Variants in COP1 observed in about 807,000 individuals in gnomAD.
The protein encoded by COP1 is E3 ubiquitin-protein ligase COP1.
In COP1, 24 loss-of-function variants were observed where a neutral mutation model predicts 101.3. The observed-to-expected ratio is 0.24, with a 90% CI of 0.17 to 0.33. COP1 has a LOEUF of 0.33. Among genes scored for constraint, COP1 ranks in the 10% least tolerant of loss-of-function variants. The pLI is 1.00. For missense variants in COP1, 663 were observed against 906.2 expected (o/e 0.73, Z 3.45); for synonymous variants, 347 against 341.9 (o/e 1.01, Z -0.17).
At chr1:175,967,517 A>C (rs970581477) in intron 18 of COP1, among the ~76,000 whole-genome samples, 1 of 106,674 alleles carries the variant, frequency 9.4e-6, no homozygotes, top group African/African-American at 3.0e-5. Context: ...ACAAACAAAC[A>C]AACAAACCCA....
chr1:175,965,613 G>A (rs1651922094), intron 18 of COP1, among the ~76,000 whole-genome samples: 1 of 151,704 alleles, frequency 6.6e-6, no homozygotes, highest in South Asian at 2.1e-4. Context: ...TTTTGAGATG[G>A]AGTCTCGCTC....
chr1:176,116,016 T>C (rs997461017), intron 9 of COP1, among the ~76,000 whole-genome samples: 1 of 152,228 alleles, frequency 6.6e-6, no homozygotes, highest in South Asian at 2.1e-4. Flanking sequence ...AGATAAACTA[T>C]GTTCTGATTA....
intron 11 of COP1, among the ~76,000 whole-genome samples, chr1:176,071,475 C>CT (rs1677001157): frequency 6.6e-6 from 1 of 152,180 alleles, no homozygotes; most frequent in African/African-American, 2.4e-5. Context: ...CTACCATGTA[C>CT]ATCACTCTTA....
intron 18 of COP1, among the ~76,000 whole-genome samples, chr1:175,963,026 C>T (rs969840635): frequency 5.3e-5 from 8 of 151,762 alleles, no homozygotes; most frequent in Non-Finnish European, 1.2e-4. Context: ...ATGAATGTTA[C>T]ATGTGGGTGT....
At chr1:176,093,959 G>GT (rs1461163053) in intron 9 of COP1, among the ~76,000 whole-genome samples, 1 of 151,812 alleles carries the variant, frequency 6.6e-6, no homozygotes, top group Non-Finnish European at 1.5e-5. Flanking sequence ...GGAAGCGGAG[G>GT]TTGTAGTAAG....
intron 1 of COP1, among the ~76,000 whole-genome samples, chr1:176,202,853 C>CT (rs939821622): frequency 1.3e-5 from 2 of 151,392 alleles, no homozygotes; most frequent in Non-Finnish European, 3.0e-5. Flanking sequence ...TGTCATGACA[C>CT]TAAGAGAGGC....
At position 176,077,000 on chromosome 1, in the gene COP1, C is replaced by T. The variant is rs147254557; in HGVS notation, c.1277+4152G>A. Reference sequence around the variant, plus strand: ...TAAACAAAACAAAACAAAAAACTACCAACCAAAAAGAGCCCTGGACCAGAT... The same window carrying T: ...TAAACAAAACAAAACAAAAAACTACTAACCAAAAAGAGCCCTGGACCAGAT... On this transcript the variant is annotated intron_variant, in intron 11 of 19. Transcript: ENST00000367669. 2.0e-5 allele frequency among the ~76,000 whole-genome samples: 3 copies of T among 152,016 alleles called. No individual in the cohort carries two copies. The East Asian group carries it at 5.8e-4, about 29-fold the overall frequency.
chr1:176,045,523 T>C (rs4129061), intron 12 of COP1, among the ~76,000 whole-genome samples: 113,933 of 150,364 alleles, frequency 0.76, 44,816 homozygotes, highest in East Asian at 0.92. Flanking sequence ...GATTTCCTCA[T>C]ATAATTCTCT....
intron 3 of COP1, among the ~76,000 whole-genome samples, chr1:176,166,250 C>A (rs1055427171): frequency 6.6e-6 from 1 of 152,174 alleles, no homozygotes; most frequent in African/African-American, 2.4e-5. Flanking sequence ...TCTCAGCCTT[C>A]CCAGTAGCTA....
chr1:176,200,118 C>T (rs1013226692), intron 1 of COP1, among the ~76,000 whole-genome samples: 1 of 152,140 alleles, frequency 6.6e-6, no homozygotes. Context: ...GGCCACATTT[C>T]CTCATCTACA....
chr1:175,988,116 C>T (rs556582621), intron 17 of COP1, among the ~76,000 whole-genome samples, 172 bp downstream of exon 17: 16 of 152,324 alleles, frequency 1.1e-4, no homozygotes, highest in African/African-American at 3.8e-4. Context: ...AGGACTAATG[C>T]TCTTCTAGTA....
chr1:176,206,475 T>C, intron 1 of COP1, 97 bp downstream of exon 1: 1 of 1,444,894 alleles, frequency 6.9e-7, no homozygotes, highest in Non-Finnish European at 9.5e-7. Flanking sequence ...TCCCAAGCTC[T>C]CCAACAAGCC....
At chr1:176,121,559 A>G (rs916409987) in intron 8 of COP1, among the ~76,000 whole-genome samples, 1 of 152,160 alleles carries the variant, frequency 6.6e-6, no homozygotes, top group African/African-American at 2.4e-5. Flanking sequence ...TCTGTCACCC[A>G]GGCTGGAGTG....
intron 11 of COP1, among the ~76,000 whole-genome samples, chr1:176,057,340 C>G (rs1673722142): frequency 6.6e-6 from 1 of 152,112 alleles, no homozygotes; most frequent in Admixed American, 6.5e-5. Flanking sequence ...CCTCTCCCCA[C>G]GGATTCCCTC....
rs752133865 is a variant in COP1, at chr1:176,046,309, C to G, written c.1293G>C (p.Arg431=). ...SSIVSSIEFD[R]DCDYFAIAGV... is the part of the protein sequence containing the mutation. ...CAGCAATCGCAAAATAGTCACAATCCCGGTCAAATTCAATACTAAGGGGAA... is the reference window on the plus strand; with the variant it reads ...CAGCAATCGCAAAATAGTCACAATCGCGGTCAAATTCAATACTAAGGGGAA... Residue 431 remains arginine (R), a synonymous_variant, in exon 12 of 20, where the codon CGG becomes CGC. Transcript: ENST00000367669. 4 of 1,608,388 alleles carry G rather than the reference C, an allele frequency of 2.5e-6. No individual in the cohort carries two copies. Among genetic ancestry groups the G allele is most frequent in the Admixed American group, 3.4e-5 (2 of 58,406 alleles).
intron 9 of COP1, among the ~76,000 whole-genome samples, chr1:176,106,549 C>T (rs1684343083): frequency 6.6e-6 from 1 of 152,210 alleles, no homozygotes; most frequent in South Asian, 2.1e-4. Flanking sequence ...CTGCACTTGA[C>T]AGATCAGCTG....
intron 14 of COP1, 96 bp from the exon 15 acceptor site, chr1:176,027,784 TC>T (rs2149071362): frequency 1.4e-6 from 1 of 726,548 alleles, no homozygotes; most frequent in East Asian, 2.7e-5. Context: ...GCTCCAGAAA[TC>T]TTTTTGTGCC....
intron 9 of COP1, among the ~76,000 whole-genome samples, chr1:176,096,545 T>C (rs879744803): frequency 3.7e-4 from 57 of 152,374 alleles, no homozygotes; most frequent in Admixed American, 1.8e-3. Flanking sequence ...CAGACTACCA[T>C]TGGTCTGAGC....
chr1:175,955,594 T>C (rs1226900014), intron 18 of COP1, among the ~76,000 whole-genome samples: 4 of 152,128 alleles, frequency 2.6e-5, no homozygotes, highest in Admixed American at 2.6e-4. Context: ...CTAATGTACC[T>C]TAAAAATAAG....
Sources: allele counts gnomAD v4.1 joint callset (sites outside exome capture counted in the v4.1 genomes callset), GRCh38; gene constraint gnomAD v4.1.1; transcripts MANE v1.5; gene names NCBI Gene and HGNC (gene_info 2026-07-23, HGNC 2026-07-21).